The following MTREX variants were observed in gnomAD, a reference collection of about 807,000 sequenced individuals.
MTREX encodes the protein Mtr4 exosome RNA helicase, also known as exosome RNA helicase MTR4.
Under a neutral mutation model 135.4 loss-of-function variants are expected in MTREX, and 76 were observed. That is an observed-to-expected ratio of 0.56 (90% CI 0.47 to 0.68). The LOEUF (loss-of-function observed/expected upper bound fraction) is 0.68. Among genes scored for constraint, MTREX ranks in the 30% least tolerant of loss-of-function variants. The probability of loss-of-function intolerance (pLI) is 0.00; values close to 1 mark genes in which losing one functional copy is unlikely to be tolerated. For synonymous variants in MTREX, 404 were observed against 401.6 expected (o/e 1.01, Z -0.07); for missense variants, 920 against 1,262.1 (o/e 0.73, Z 4.11).
chr5:55,422,971 A>C lies in MTREX; in HGVS notation c.3065A>C (p.Lys1022Thr), dbSNP rs759122380. 5.0e-6 allele frequency: 8 copies of C among 1,613,480 alleles called. No individual in the cohort carries two copies. The Admixed American group carries it at 1.3e-4, about 27-fold the overall frequency. ...KAIGNTELEN[K>T]FAEGITKIKR... Reference sequence around the variant, plus strand: ...ATTGGAAACACTGAGCTGGAAAATAAATTTGCAGAAGGTCAGTATCAAATG... The same window carrying C: ...ATTGGAAACACTGAGCTGGAAAATACATTTGCAGAAGGTCAGTATCAAATG... The change falls in exon 26 of 27, where the codon AAA becomes ACA. Residue 1022 changes from lysine (K) to threonine (T), a missense_variant. Coordinates refer to ENST00000230640, the MANE Select transcript of MTREX (RefSeq NM_015360.5).
At chr5:55,317,681 G>C (rs1749221065) in intron 1 of MTREX, among the ~76,000 whole-genome samples, 1 of 152,126 alleles carries the variant, frequency 6.6e-6, no homozygotes, top group Non-Finnish European at 1.5e-5. Flanking sequence ...ATCCCTGAAA[G>C]ACAACTAGGC....
At chr5:55,359,141 C>T (rs1195037544) in intron 15 of MTREX, among the ~76,000 whole-genome samples, 9 of 152,156 alleles carry the variant, frequency 5.9e-5, no homozygotes, top group African/African-American at 2.2e-4. Flanking sequence ...TTACACTTTA[C>T]CCTATTGATT....
chr5:55,378,514 T>C (rs777264107), intron 17 of MTREX, 28 bp downstream of exon 17: 1 of 1,574,328 alleles, frequency 6.4e-7, no homozygotes, highest in Non-Finnish European at 8.6e-7. Flanking sequence ...CATAAAATAC[T>C]TGAATAATTC....
chr5:55,333,322 A>G (rs1202446775), intron 5 of MTREX, among the ~76,000 whole-genome samples: 1 of 151,974 alleles, frequency 6.6e-6, no homozygotes, highest in East Asian at 1.9e-4. Context: ...TTAAGAGTCC[A>G]CTCCTGTTCA....
At chr5:55,339,545 C>T (rs1749609715) in intron 5 of MTREX, among the ~76,000 whole-genome samples, 1 of 152,120 alleles carries the variant, frequency 6.6e-6, no homozygotes, top group Non-Finnish European at 1.5e-5. Context: ...CAGAACCTAC[C>T]ATAATTTTCA....
chr5:55,328,679 T>C lies in MTREX; in HGVS notation c.403-20T>C. ...ACAACTAGATGTTTTTATGCAGATA[T>C]TAATGTTTTGTTTTTATAGGAATAC... On this transcript the variant is annotated intron_variant, in intron 4 of 26. Coordinates refer to ENST00000230640, the MANE Select transcript of MTREX (RefSeq NM_015360.5). 1 of 1,515,728 alleles carries C rather than the reference T, an allele frequency of 6.6e-7. No homozygotes were observed. The highest frequency in any genetic ancestry group is 1.7e-4 in the Middle Eastern group (1 of 5,898). 93.9% of individuals were successfully genotyped at this position (1,515,728 alleles called of 1,614,324 possible). A position where few individuals can be genotyped will look rare whatever the true frequency, so the allele number is the denominator to read the frequency against.
rs763058616 is a variant in MTREX at position 55,425,272 on chromosome 5, GTCC to G, written c.*506_*508del. 1.1e-5 allele frequency: 17 copies of G among 1,611,734 alleles called. No homozygotes were observed. In the South Asian group the frequency reaches 1.3e-4, roughly 13 times the overall value. ...GTGTTTCATGCAGAGTTGTATGAGA[GTCC>G]TCCTCTTTTCTTTCTTTAAAAGAAG... is the stretch of plus-strand genomic sequence containing the variant. On this transcript the variant is annotated 3_prime_UTR_variant, in exon 27 of 27. Coordinates refer to ENST00000230640, the MANE Select transcript of MTREX (RefSeq NM_015360.5).
intron 15 of MTREX, among the ~76,000 whole-genome samples, chr5:55,359,328 AG>A (rs1358567735): frequency 6.6e-6 from 1 of 152,206 alleles, no homozygotes; most frequent in Non-Finnish European, 1.5e-5. Context: ...AGTGTTAATA[AG>A]ATAGGAAACT....
intron 20 of MTREX, 133 bp from the exon 21 acceptor site, chr5:55,400,100 G>T: frequency 1.7e-6 from 1 of 573,502 alleles, no homozygotes; most frequent in Non-Finnish European, 2.9e-6. Flanking sequence ...AATTTAAATT[G>T]GCAAAAGACA....
intron 15 of MTREX, among the ~76,000 whole-genome samples, chr5:55,361,228 G>A (rs1029838424): frequency 2.6e-5 from 4 of 152,164 alleles, no homozygotes; most frequent in Non-Finnish European, 5.9e-5. Context: ...GAAATACTGA[G>A]TACTTAAAGT....
In MTREX at chr5:55,378,312, A is replaced by C. The variant is rs1178638982; in HGVS notation, c.1811-2A>C. 2.5e-6 allele frequency: 4 copies of C among 1,585,758 alleles called. No homozygotes were observed. The highest frequency in any genetic ancestry group is 3.4e-6 in the Non-Finnish European group (4 of 1,171,428). On this transcript the variant is annotated splice_acceptor_variant, in intron 16 of 26. Transcript: ENST00000230640. LOFTEE classifies it high-confidence loss of function. ...AATTTTGTACATGTGTTCTATTTAC[A>C]GAGGTAAAGAATTCAGAAGAACAGT...
At chr5:55,351,393 G>A (rs1180144315) in intron 13 of MTREX, among the ~76,000 whole-genome samples, 3 of 152,010 alleles carry the variant, frequency 2.0e-5, no homozygotes, top group Non-Finnish European at 4.4e-5. Flanking sequence ...TTAGCCAGTC[G>A]TGGTGGCAAG....
At chr5:55,334,712 T>C (rs1401016535) in intron 5 of MTREX, among the ~76,000 whole-genome samples, 1 of 152,096 alleles carries the variant, frequency 6.6e-6, no homozygotes, top group East Asian at 1.9e-4. Context: ...TATTTAGTTC[T>C]CTTATGTGTG....
At chr5:55,373,364 C>T (rs548874223) in intron 16 of MTREX, among the ~76,000 whole-genome samples, 3 of 151,244 alleles carry the variant, frequency 2.0e-5, no homozygotes, top group East Asian at 3.9e-4. Flanking sequence ...GAATTATGTC[C>T]ATCTAATTAA....
intron 22 of MTREX, 147 bp downstream of exon 22, chr5:55,405,735 A>G (rs1386677206): frequency 7.4e-6 from 4 of 537,468 alleles, no homozygotes; most frequent in Middle Eastern, 5.2e-4. Flanking sequence ...TCCGCCTCGC[A>G]GTTTTAAGTG....
In MTREX at chr5:55,411,526, A is replaced by G. The variant is rs1450681853; in HGVS notation, c.2751+897A>G. Among the ~76,000 whole-genome samples, 4 of 151,702 alleles carry G rather than the reference A, an allele frequency of 2.6e-5. No individual in the cohort carries two copies. The East Asian group carries it at 5.8e-4, about 22-fold the overall frequency. On this transcript the variant is annotated intron_variant, in intron 23 of 26. Coordinates refer to ENST00000230640, the MANE Select transcript of MTREX (RefSeq NM_015360.5). ...GATGTATTCAGTGAAACCACACTTA[A>G]TTGGTCTGTTTACCTGTTAACTGTT...
At chr5:55,415,075 G>T (rs189497296) in intron 24 of MTREX, among the ~76,000 whole-genome samples, 94 of 152,134 alleles carry the variant, frequency 6.2e-4, no homozygotes, top group African/African-American at 2.1e-3. Flanking sequence ...TTTTCTGTCT[G>T]TTCAACATTA....
At chr5:55,415,721 C>CA (rs1432406337) in intron 24 of MTREX, among the ~76,000 whole-genome samples, 1 of 152,146 alleles carries the variant, frequency 6.6e-6, no homozygotes, top group Admixed American at 6.5e-5. Flanking sequence ...GAAAAGGTAT[C>CA]ACTGGCTGAA....
At chr5:55,334,298 CT>C (rs1309520005) in intron 5 of MTREX, among the ~76,000 whole-genome samples, 1 of 152,028 alleles carries the variant, frequency 6.6e-6, no homozygotes, top group African/African-American at 2.4e-5. Context: ...GAAATATACA[CT>C]TTAAAATGGT....
Sources: allele counts gnomAD v4.1 joint callset (sites outside exome capture counted in the v4.1 genomes callset), GRCh38; gene constraint gnomAD v4.1.1; transcripts MANE v1.5; gene names NCBI Gene and HGNC (gene_info 2026-07-23, HGNC 2026-07-21).